Variants in WAC observed in about 807,000 individuals in gnomAD.
WAC encodes the protein WW domain containing adaptor with coiled-coil, also known as WW domain-containing adapter protein with coiled-coil.
Under a neutral mutation model 79.6 loss-of-function variants are expected in WAC, and 11 were observed. That is an observed-to-expected ratio of 0.14 (90% CI 0.09 to 0.23). The LOEUF is 0.23. Ranked by LOEUF, WAC falls within the 10% of genes least tolerant of loss-of-function variation. WAC has a pLI of 1.00. For synonymous variants in WAC, 304 were observed against 276.9 expected, an observed-to-expected ratio of 1.10 and a Z score of -0.97; for missense variants, 728 against 773.5, an observed-to-expected ratio of 0.94 and a Z score of 0.70.
intron 3 of WAC, among the ~76,000 whole-genome samples, chr10:28,536,497 A>G (rs974232826): frequency 1.3e-5 from 2 of 152,196 alleles, no homozygotes; most frequent in African/African-American, 2.4e-5. Context: ...TTTTTTCAGG[A>G]TAGTTCCCAG....
chr10:28,610,392 A>G (rs903548856), intron 8 of WAC, among the ~76,000 whole-genome samples: 1 of 152,112 alleles, frequency 6.6e-6, no homozygotes, highest in Non-Finnish European at 1.5e-5. Context: ...TTCTGACATA[A>G]TTGGAAGTTC....
chr10:28,544,283 C>A (rs1317753647), intron 3 of WAC, among the ~76,000 whole-genome samples: 1 of 152,196 alleles, frequency 6.6e-6, no homozygotes, highest in Non-Finnish European at 1.5e-5. Flanking sequence ...TGTTGACTGT[C>A]AGTCTTAGAG....
At chr10:28,603,157 T>C (rs1365234332) in intron 7 of WAC, among the ~76,000 whole-genome samples, 4 of 152,220 alleles carry the variant, frequency 2.6e-5, no homozygotes, top group African/African-American at 7.2e-5. Context: ...ATCCAATCTT[T>C]TGGCTTCCCT....
chr10:28,609,320 G>A (rs1349897866), intron 8 of WAC, among the ~76,000 whole-genome samples: 1 of 152,092 alleles, frequency 6.6e-6, no homozygotes, highest in African/African-American at 2.4e-5. Context: ...CTGAGATGGT[G>A]CCTGTACACT....
chr10:28,544,975 G>C (rs1414237651), intron 3 of WAC, among the ~76,000 whole-genome samples: 2 of 148,044 alleles, frequency 1.4e-5, no homozygotes, highest in Non-Finnish European at 3.0e-5. Context: ...CGAAGCAGGA[G>C]AATCGCTTAA....
At chr10:28,541,061 C>A (rs1168988837) in intron 3 of WAC, among the ~76,000 whole-genome samples, 1 of 152,002 alleles carries the variant, frequency 6.6e-6, no homozygotes, top group East Asian at 1.9e-4. Flanking sequence ...TTCTATTTTA[C>A]AATCAGTATT....
At chr10:28,538,902 A>G (rs1303119738) in intron 3 of WAC, among the ~76,000 whole-genome samples, 5 of 151,556 alleles carry the variant, frequency 3.3e-5, no homozygotes, top group African/African-American at 1.2e-4. Flanking sequence ...ATTAATGTAT[A>G]TAAATTCAAG....
chr10:28,608,603 T>A (rs1841075012), intron 8 of WAC, 172 bp downstream of exon 8: 1 of 659,574 alleles, frequency 1.5e-6, no homozygotes, highest in Non-Finnish European at 2.5e-6. Context: ...TCCACTGTAG[T>A]TTAAGACCAT....
At chr10:28,560,699 C>G (rs1564386366) in intron 3 of WAC, among the ~76,000 whole-genome samples, 1 of 152,134 alleles carries the variant, frequency 6.6e-6, no homozygotes, top group African/African-American at 2.4e-5. Flanking sequence ...CTGTAAAGGA[C>G]ACATGTAAAT....
intron 3 of WAC, among the ~76,000 whole-genome samples, chr10:28,570,912 C>A (rs1283090125): frequency 1.6e-5 from 2 of 122,654 alleles, no homozygotes; most frequent in African/African-American, 3.0e-5. Context: ...TAGAAAGACT[C>A]TTCTTCTTTA....
At chr10:28,608,160 T>G (rs1441576758) in intron 7 of WAC, 26 bp from the exon 8 acceptor site, 10 of 1,611,380 alleles carry the variant, frequency 6.2e-6, no homozygotes, top group Non-Finnish European at 8.5e-6. Flanking sequence ...CAGGTAATTT[T>G]TCAGGCTGAT....
chr10:28,540,502 A>G (rs1836951253), intron 3 of WAC, among the ~76,000 whole-genome samples: 1 of 152,178 alleles, frequency 6.6e-6, no homozygotes, highest in African/African-American at 2.4e-5. Flanking sequence ...AGGCGCAGTT[A>G]TCACATCAGT....
At chr10:28,566,279 G>A (rs1838604361) in intron 3 of WAC, among the ~76,000 whole-genome samples, 1 of 152,160 alleles carries the variant, frequency 6.6e-6, no homozygotes, top group African/African-American at 2.4e-5. Context: ...GTGTGCATAT[G>A]CTGGGAGTAG....
intron 10 of WAC, 93 bp downstream of exon 10, chr10:28,612,015 A>C: frequency 6.8e-7 from 1 of 1,463,880 alleles, no homozygotes; most frequent in Non-Finnish European, 9.3e-7. Flanking sequence ...AAGCCCTCTG[A>C]GAATGAGGTG....
chr10:28,604,414 T>A (rs961208555), intron 7 of WAC, among the ~76,000 whole-genome samples: 2 of 152,032 alleles, frequency 1.3e-5, no homozygotes, highest in Non-Finnish European at 2.9e-5. Context: ...TGCCGAGTCC[T>A]GTTTTCTACA....
chr10:28,540,589 C>T (rs1023638604), intron 3 of WAC, among the ~76,000 whole-genome samples: 3 of 152,150 alleles, frequency 2.0e-5, no homozygotes, highest in Non-Finnish European at 2.9e-5. Flanking sequence ...TTCTCTTAAT[C>T]CCTCATATTT....
At chr10:28,570,366 T>C (rs955457516) in intron 3 of WAC, among the ~76,000 whole-genome samples, 3 of 152,216 alleles carry the variant, frequency 2.0e-5, no homozygotes, top group Non-Finnish European at 4.4e-5. Flanking sequence ...TAATAGATGA[T>C]GTTTATATTC....
chr10:28,562,025 T>C (rs12414852), intron 3 of WAC, among the ~76,000 whole-genome samples: 34,377 of 152,006 alleles, frequency 0.23, 4,701 homozygotes, highest in Non-Finnish European at 0.28. Flanking sequence ...ATCTGTGATA[T>C]GCTACAGACA....
intron 3 of WAC, among the ~76,000 whole-genome samples, chr10:28,562,908 G>A (rs569996733): frequency 6.6e-6 from 1 of 151,856 alleles, no homozygotes; most frequent in East Asian, 1.9e-4. Context: ...ACTACCTTCT[G>A]CAAAGATTTT....
Sources: allele counts gnomAD v4.1 joint callset (sites outside exome capture counted in the v4.1 genomes callset), GRCh38; gene constraint gnomAD v4.1.1; transcripts MANE v1.5; gene names NCBI Gene and HGNC (gene_info 2026-07-23, HGNC 2026-07-21).